The following ELF1 variants were observed in gnomAD, a reference collection of about 807,000 sequenced individuals.
ELF1 encodes ETS-related transcription factor Elf-1.
Under a neutral mutation model 59.9 loss-of-function variants are expected in ELF1, and 24 were observed. That is an observed-to-expected ratio of 0.40 (90% CI 0.29 to 0.56). The LOEUF is 0.56. Ranked by LOEUF, ELF1 falls within the 20% of genes least tolerant of loss-of-function variation. The pLI is 0.44. For missense variants in ELF1, 627 were observed against 742.2 expected, an observed-to-expected ratio of 0.84 and a Z score of 1.80; for synonymous variants, 248 against 266.2, an observed-to-expected ratio of 0.93 and a Z score of 0.67.
chr13:40,972,451 C>A, intron 2 of ELF1, among the ~76,000 whole-genome samples: 1 of 152,134 alleles, frequency 6.6e-6, no homozygotes, highest in Middle Eastern at 3.2e-3. Context: ...AAAAATGTGA[C>A]AACAGAACAA....
At chr13:40,959,398 A>C (rs988198847) in intron 2 of ELF1, among the ~76,000 whole-genome samples, 2 of 152,144 alleles carry the variant, frequency 1.3e-5, no homozygotes, top group Non-Finnish European at 2.9e-5. Context: ...AGGGAGGCTG[A>C]GGCAGGAGAA....
In ELF1 at chr13:41,048,650, C is replaced by G. The variant is rs189059367; in HGVS notation, c.-229+12188G>C. 1.5e-3 allele frequency among the ~76,000 whole-genome samples: 230 copies of G among 152,080 alleles called. 1 individual carries two copies. Among genetic ancestry groups the G allele is most frequent in the African/African-American group, 5.4e-3 (225 of 41,492 alleles). On this transcript the variant is annotated intron_variant, in intron 1 of 1. Coordinates refer to the ELF1 transcript ENST00000405737. Reference sequence around the variant, plus strand: ...GCTAGTCTAAAATTCTAGGCTCAAGCAATCCGCCCACCTCAGCCTGCTAAA... The same window carrying G: ...GCTAGTCTAAAATTCTAGGCTCAAGGAATCCGCCCACCTCAGCCTGCTAAA...
At chr13:41,031,910 T>C (rs1876180446) in intron 1 of ELF1, among the ~76,000 whole-genome samples, 1 of 150,634 alleles carries the variant, frequency 6.6e-6, no homozygotes, top group East Asian at 1.9e-4. Flanking sequence ...CAGAATAACA[T>C]AGAAGTTTTA....
intron 1 of ELF1, among the ~76,000 whole-genome samples, chr13:41,038,259 A>G (rs553155719): frequency 3.3e-5 from 5 of 152,214 alleles, no homozygotes; most frequent in South Asian, 2.1e-4. Flanking sequence ...GGCAGTGATG[A>G]TAATAAAAAT....
intron 1 of ELF1, among the ~76,000 whole-genome samples, chr13:41,016,821 G>A (rs553738562): frequency 6.8e-6 from 1 of 146,888 alleles, no homozygotes; most frequent in East Asian, 2.1e-4. Context: ...GGCTGAGGCA[G>A]GAGAATTGCT....
At chr13:41,054,240 T>G (rs1877207623) in intron 1 of ELF1, among the ~76,000 whole-genome samples, 1 of 152,230 alleles carries the variant, frequency 6.6e-6, no homozygotes, top group African/African-American at 2.4e-5. Flanking sequence ...TTCCCTTTAT[T>G]TAAAAGCCTC....
chr13:41,024,387 C>T (rs1007072154), intron 1 of ELF1, among the ~76,000 whole-genome samples: 1 of 151,930 alleles, frequency 6.6e-6, no homozygotes, highest in African/African-American at 2.4e-5. Context: ...AGTGGCAGGA[C>T]CTTGGCACCT....
chr13:40,992,100 T>C (rs1463631377), intron 1 of ELF1, among the ~76,000 whole-genome samples: 1 of 152,242 alleles, frequency 6.6e-6, no homozygotes, highest in Non-Finnish European at 1.5e-5. Context: ...GATAAAATAA[T>C]GTCACATTTT....
chr13:41,019,207 T>G (rs923338783), intron 1 of ELF1, 21 bp downstream of exon 1: 1 of 985,294 alleles, frequency 1.0e-6, no homozygotes, highest in Non-Finnish European at 1.2e-6. Context: ...GAAGCAAACA[T>G]ACAAAATTGT....
chr13:40,962,170 C>G (rs1021197278), intron 2 of ELF1, among the ~76,000 whole-genome samples: 3 of 152,130 alleles, frequency 2.0e-5, no homozygotes, highest in African/African-American at 7.2e-5. Context: ...TCACTGCTAC[C>G]AATTTCTTTG....
At chr13:40,986,935 C>CTTT (rs1189146574) in intron 1 of ELF1, among the ~76,000 whole-genome samples, 1 of 10,940 alleles carries the variant, frequency 9.1e-5, no homozygotes, top group Non-Finnish European at 2.1e-4. Flanking sequence ...AAAATCATTG[C>CTTT]TCTTTTTTTT....
In ELF1 at chr13:40,951,396, A is replaced by G. The variant is rs748913519; in HGVS notation, c.294T>C (p.Thr98=). The change falls in exon 4 of 9, where the codon ACT becomes ACC. Residue 98 remains threonine (T), a synonymous_variant. Coordinates refer to ENST00000239882, the MANE Select transcript of ELF1 (RefSeq NM_172373.4). ...TGAGGAGTGCCTCAGCAGCCTCAAT[A>G]GTTTCAATTGTTTCATCCCCGTCAT... ...SCHDGDETIE[T]IEAAEALLNM... is the part of the protein sequence containing the mutation. 4.2e-5 allele frequency: 68 copies of G among 1,613,858 alleles called. No homozygotes were observed. The Admixed American group carries it at 8.2e-4, about 19-fold the overall frequency.
At chr13:41,019,923 C>G (rs567519753), upstream of ELF1, among the ~76,000 whole-genome samples, 2 of 152,148 alleles carry the variant, frequency 1.3e-5, no homozygotes, top group Non-Finnish European at 2.9e-5. Context: ...AAAACCCACA[C>G]TCCAATGTTA....
chr13:40,941,531 C>T (rs1382563102), intron 7 of ELF1, among the ~76,000 whole-genome samples, 161 bp from the exon 8 acceptor site: 1 of 152,130 alleles, frequency 6.6e-6, no homozygotes, highest in Non-Finnish European at 1.5e-5. Context: ...GATAAACATA[C>T]ATTTATGCAC....
chr13:41,052,160 G>C (rs2138435538), intron 1 of ELF1, among the ~76,000 whole-genome samples: 1 of 152,132 alleles, frequency 6.6e-6, no homozygotes, highest in East Asian at 1.9e-4. Flanking sequence ...GGCTGGTCTT[G>C]AACTCCTGAC....
intron 2 of ELF1, among the ~76,000 whole-genome samples, chr13:40,978,512 A>C (rs1468741133): frequency 2.0e-5 from 3 of 152,144 alleles, no homozygotes; most frequent in African/African-American, 7.2e-5. Context: ...TTAATTTGTA[A>C]TATTGACATA....
chr13:41,048,686 T>C (rs1454143400), intron 1 of ELF1, among the ~76,000 whole-genome samples: 2 of 152,070 alleles, frequency 1.3e-5, no homozygotes. Context: ...GTGCTGGGAT[T>C]ACAGTTGTGA....
At chr13:40,989,879 A>C (rs1320496017) in intron 1 of ELF1, among the ~76,000 whole-genome samples, 1 of 152,208 alleles carries the variant, frequency 6.6e-6, no homozygotes, top group Non-Finnish European at 1.5e-5. Context: ...GAGGAAACAT[A>C]ATCTGGATTA....
intron 1 of ELF1, among the ~76,000 whole-genome samples, chr13:41,038,066 T>TAAAA (rs4053825): frequency 8.7e-5 from 11 of 126,604 alleles, no homozygotes; most frequent in African/African-American, 2.8e-4. Context: ...GAAGAAACCT[T>TAAAA]AAAAAAAAAA....
Sources: gnomAD v4.1 joint callset for allele counts (sites outside exome capture counted in the v4.1 genomes callset) on GRCh38, gnomAD v4.1.1 for gene constraint, MANE v1.5 for transcripts, NCBI Gene and HGNC (gene_info 2026-07-23, HGNC 2026-07-21) for gene names.